Variants in WIF1 observed in about 807,000 individuals in gnomAD.
WIF1 encodes Wnt inhibitory factor 1.
WIF1 carries 35 observed loss-of-function variants against 53.5 expected under a neutral mutation model. The ratio of observed to expected loss-of-function variants is 0.65; its 90% CI spans 0.50 to 0.87. The LOEUF (loss-of-function observed/expected upper bound fraction) is 0.87, where lower values mean the gene tolerates loss of function less well. Among genes scored for constraint, WIF1 ranks in the 40% least tolerant of loss-of-function variants. The probability of loss-of-function intolerance (pLI) is 0.00; values close to 1 mark genes in which losing one functional copy is unlikely to be tolerated. For synonymous variants in WIF1, 171 were observed against 170.4 expected (o/e 1.00, Z -0.03); for missense variants, 467 against 476.8 (o/e 0.98, Z 0.19).
chr12:65,095,659 C>T (rs1341176742), intron 2 of WIF1: 1 of 152,000 alleles, frequency 6.6e-6, no homozygotes, highest in African/African-American at 2.4e-5. Context: ...GTTTGACTAT[C>T]TTTAAAGAAA....
At chr12:65,120,702 G>T in intron 1 of WIF1, 146 bp from the exon 2 acceptor site, 1 of 959,972 alleles carries the variant, frequency 1.0e-6, no homozygotes, top group Non-Finnish European at 1.5e-6. Context: ...ACGCTACTAA[G>T]ATTAATTTTT....
At chr12:65,085,584 C>T (rs1883026099) in intron 2 of WIF1, among the ~76,000 whole-genome samples, 1 of 152,204 alleles carries the variant, frequency 6.6e-6, no homozygotes, top group Non-Finnish European at 1.5e-5. Flanking sequence ...AAAGCACCTT[C>T]TCATGCAGCG....
chr12:65,114,237 C>T (rs2136295427), intron 2 of WIF1, among the ~76,000 whole-genome samples: 1 of 151,858 alleles, frequency 6.6e-6, no homozygotes, highest in Admixed American at 6.6e-5. Context: ...TAATATAAGT[C>T]TCTAACTCCA....
chr12:65,056,130 A>C lies in WIF1; in HGVS notation c.827-4T>G. On this transcript the variant is annotated splice_polypyrimidine_tract_variant and splice_region_variant and intron_variant, in intron 7 of 9. Coordinates refer to ENST00000286574, the MANE Select transcript of WIF1 (RefSeq NM_007191.5). ...CGACAGGGTTGTGGGCATTTGCCTG[A>C]AAAAGAGAAGAATGCAGCTAAACAA... is the stretch of plus-strand genomic sequence containing the variant. 1 of 1,613,448 alleles carries C rather than the reference A, an allele frequency of 6.2e-7. No individual in the cohort carries two copies. The highest frequency in any genetic ancestry group is 2.2e-5 in the East Asian group (1 of 44,870).
At chr12:65,055,094 C>T in intron 9 of WIF1, 24 bp downstream of exon 9, 1 of 1,606,396 alleles carries the variant, frequency 6.2e-7, no homozygotes, top group Non-Finnish European at 8.5e-7. Context: ...TCCTTGTTTA[C>T]AACTTTTTAT....
At chr12:65,078,931 G>T (rs1882904583) in intron 2 of WIF1, among the ~76,000 whole-genome samples, 1 of 152,122 alleles carries the variant, frequency 6.6e-6, no homozygotes, top group Non-Finnish European at 1.5e-5. Context: ...TTGGGAGGCT[G>T]AGGTGGGCGG....
chr12:65,051,587 G>A lies in WIF1; in HGVS notation c.1019-117C>T, dbSNP rs139453089. ...CCTTTTCAATCCAGAATGAAAAACCGCAATGACCACAAAAAGCTACCTGAA... is the reference window on the plus strand; with the variant it reads ...CCTTTTCAATCCAGAATGAAAAACCACAATGACCACAAAAAGCTACCTGAA... On this transcript the variant is annotated intron_variant, in intron 9 of 9. Coordinates refer to ENST00000286574, the MANE Select transcript of WIF1 (RefSeq NM_007191.5). 9,242 of 1,266,808 alleles carry A rather than the reference G, an allele frequency of 7.3e-3. 50 individuals are homozygous for A. The highest frequency in any genetic ancestry group is 8.9e-3 in the Non-Finnish European group (8,650 of 970,524). 78.5% of individuals were successfully genotyped at this position (1,266,808 alleles called of 1,614,324 possible). A position where few individuals can be genotyped will look rare whatever the true frequency, so the allele number is the denominator to read the frequency against.
At chr12:65,075,468 C>T (rs1278590877) in intron 3 of WIF1, among the ~76,000 whole-genome samples, 1 of 152,124 alleles carries the variant, frequency 6.6e-6, no homozygotes, top group Admixed American at 6.6e-5. Flanking sequence ...CTTTAAAACA[C>T]TATAAAGCTA....
At chr12:65,058,619 T>C (rs1450708107) in intron 7 of WIF1, among the ~76,000 whole-genome samples, 1 of 152,238 alleles carries the variant, frequency 6.6e-6, no homozygotes, top group South Asian at 2.1e-4. Flanking sequence ...AAGATCTGAT[T>C]GTTTTAAAAT....
chr12:65,089,107 A>T (rs529497567), intron 2 of WIF1, among the ~76,000 whole-genome samples: 1 of 151,968 alleles, frequency 6.6e-6, no homozygotes, highest in East Asian at 1.9e-4. Context: ...CCTTCTCCTA[A>T]TCTCTAGATT....
chr12:65,093,757 C>A (rs1379412514), intron 2 of WIF1, among the ~76,000 whole-genome samples: 1 of 152,026 alleles, frequency 6.6e-6, no homozygotes, highest in Non-Finnish European at 1.5e-5. Context: ...AAAGTTCCCG[C>A]ATGTGGATAG....
chr12:65,092,368 A>T (rs1269188647), intron 2 of WIF1, among the ~76,000 whole-genome samples: 3 of 151,784 alleles, frequency 2.0e-5, no homozygotes, highest in Admixed American at 6.6e-5. Context: ...CCACCATGGC[A>T]TGTGTATACC....
rs555765934 is a variant in WIF1, at chr12:65,079,214, T to C, written c.289-1360A>G. 2.1e-5 allele frequency among the ~76,000 whole-genome samples: 3 copies of C among 143,340 alleles called. No individual in the cohort carries two copies. The East Asian group carries it at 6.1e-4, about 29-fold the overall frequency. 94.0% of individuals were successfully genotyped at this position (143,340 alleles called of 152,430 possible). A position where few individuals can be genotyped will look rare whatever the true frequency, so the allele number is the denominator to read the frequency against. ...AAGAGAGGCATTACTAGAGATGCTA[T>C]AGACATTTAAGCAAGAAAAGGGATC... On this transcript the variant is annotated intron_variant, in intron 2 of 9. Coordinates refer to ENST00000286574, the MANE Select transcript of WIF1 (RefSeq NM_007191.5).
chr12:65,107,970 A>G (rs1490615396), intron 2 of WIF1, among the ~76,000 whole-genome samples: 1 of 152,244 alleles, frequency 6.6e-6, no homozygotes, highest in Non-Finnish European at 1.5e-5. Context: ...GAAGTTAAGC[A>G]GAGCAAAAGT....
intron 6 of WIF1, among the ~76,000 whole-genome samples, chr12:65,064,676 C>T (rs1036556471): frequency 1.1e-4 from 17 of 151,874 alleles, no homozygotes; most frequent in African/African-American, 3.9e-4. Context: ...TTACTGGAGT[C>T]TGATGAGTAG....
chr12:65,068,996 A>G (rs1453076531), intron 3 of WIF1, 92 bp from the exon 4 acceptor site: 14 of 1,392,026 alleles, frequency 1.0e-5, no homozygotes, highest in Non-Finnish European at 1.4e-5. Context: ...CAAAGGACAA[A>G]GCAAAAATGT....
chr12:65,096,659 A>G (rs545669192), intron 2 of WIF1, among the ~76,000 whole-genome samples: 1 of 152,352 alleles, frequency 6.6e-6, no homozygotes, highest in East Asian at 1.9e-4. Flanking sequence ...AATGTGGCAC[A>G]TATACACCAT....
At chr12:65,118,212 T>C (rs562689919) in intron 2 of WIF1, among the ~76,000 whole-genome samples, 19 of 152,346 alleles carry the variant, frequency 1.2e-4, no homozygotes, top group African/African-American at 3.8e-4. Context: ...AATCAGATAA[T>C]GAAATGAAAT....
At chr12:65,106,760 T>A (rs1883358904) in intron 2 of WIF1, among the ~76,000 whole-genome samples, 1 of 152,104 alleles carries the variant, frequency 6.6e-6, no homozygotes. Flanking sequence ...GCTCACTGAG[T>A]TGGATGAGCT....
Sources: gnomAD v4.1 joint callset for allele counts (sites outside exome capture counted in the v4.1 genomes callset) on GRCh38, gnomAD v4.1.1 for gene constraint, MANE v1.5 for transcripts, NCBI Gene and HGNC (gene_info 2026-07-23, HGNC 2026-07-21) for gene names.